The following DOCK11 variants were observed in gnomAD, a reference collection of about 807,000 sequenced individuals.
DOCK11 encodes dedicator of cytokinesis 11, also known as dedicator of cytokinesis protein 11.
Under a neutral mutation model 169.1 loss-of-function variants are expected in DOCK11, and 70 were observed. The observed-to-expected ratio is 0.41, with a 90% CI of 0.34 to 0.51. The LOEUF (loss-of-function observed/expected upper bound fraction) is 0.51, where lower values mean the gene tolerates loss of function less well. Ranked by LOEUF, DOCK11 falls within the 20% of genes least tolerant of loss-of-function variation. The pLI, the probability that DOCK11 is intolerant of heterozygous loss-of-function variation, is 0.10. For synonymous variants in DOCK11, 529 were observed against 541.3 expected (o/e 0.98, Z 0.32); for missense variants, 1,166 against 1,538.8 (o/e 0.76, Z 4.05).
intron 31 of DOCK11, among the ~76,000 whole-genome samples, chrX:118,619,644 A>G (rs2014919692): frequency 9.2e-6 from 1 of 109,167 alleles, no homozygotes; most frequent in African/African-American, 3.3e-5. Flanking sequence ...ATCTTTAAAT[A>G]TATATCATAT....
intron 5 of DOCK11, 29 bp downstream of exon 5, chrX:118,545,421 C>T (rs761146274): frequency 4.7e-6 from 5 of 1,074,018 alleles, no homozygotes; most frequent in East Asian, 3.1e-5. Flanking sequence ...GTTGGGGTAA[C>T]TGTGCTAGTT....
rs191322692 is a variant in DOCK11 at position 118,596,133 on chromosome X, T to C, written c.2264-1298T>C. ...TAAGAACAAGAAATAGATTTTCCTT[T>C]CATTTTCCTATTTTCTGGGCTGGAA... is the stretch of plus-strand genomic sequence containing the variant. On this transcript the variant is annotated intron_variant, in intron 20 of 52. Transcript: ENST00000276202. Among the ~76,000 whole-genome samples the C allele has an allele frequency of 5.5e-3, 615 of 112,623 alleles. 4 individuals carry two copies. Among genetic ancestry groups the C allele is most frequent in the African/African-American group, 0.019 (588 of 31,047 alleles).
At chrX:118,590,956 G>A (rs1466447881) in intron 19 of DOCK11, among the ~76,000 whole-genome samples, 1 of 112,046 alleles carries the variant, frequency 8.9e-6, no homozygotes, top group Non-Finnish European at 1.9e-5. Context: ...GTGCTTCCCA[G>A]CATGTCTCTT....
At chrX:118,496,119 G>T (rs1007918002) in intron 1 of DOCK11, 46 bp downstream of exon 1, 3 of 889,147 alleles carry the variant, frequency 3.4e-6, no homozygotes, top group Non-Finnish European at 4.2e-6. Flanking sequence ...CGCTCCAGGC[G>T]GGAGCGACGC....
In DOCK11 at chrX:118,618,731, A is replaced by C; in HGVS notation, c.3471+3A>C. The C allele has an allele frequency of 8.4e-7, 1 of 1,187,111 alleles. No individual in the cohort carries two copies. Among genetic ancestry groups the C allele is most frequent in the Non-Finnish European group, 1.1e-6 (1 of 878,817 alleles). ...TTGACACAAGATACCAGCACAAGGT[A>C]AGGATATCCATGCAGTCATCAGTAT... On this transcript the variant is annotated splice_donor_region_variant and intron_variant, in intron 31 of 52. Coordinates refer to ENST00000276202, the MANE Select transcript of DOCK11 (RefSeq NM_144658.4).
intron 1 of DOCK11, among the ~76,000 whole-genome samples, chrX:118,510,460 C>T (rs962687176): frequency 3.6e-5 from 4 of 112,232 alleles, no homozygotes; most frequent in Admixed American, 1.9e-4. Context: ...GTTCTTATAG[C>T]GGGCACTGCT....
chrX:118,507,781 C>G (rs1603019946), intron 1 of DOCK11, among the ~76,000 whole-genome samples: 1 of 111,945 alleles, frequency 8.9e-6, no homozygotes, highest in Middle Eastern at 4.7e-3. Context: ...AGTCATCACC[C>G]CTCTTCTGTA....
At chrX:118,583,401 A>C (rs1012015767) in intron 14 of DOCK11, among the ~76,000 whole-genome samples, 2 of 110,886 alleles carry the variant, frequency 1.8e-5, no homozygotes, top group Non-Finnish European at 3.8e-5. Flanking sequence ...CACATTCTGC[A>C]CATGTATTCC....
chrX:118,647,867 CAT>C (rs2015778216), intron 40 of DOCK11, among the ~76,000 whole-genome samples: 2 of 41,885 alleles, frequency 4.8e-5, no homozygotes, highest in South Asian at 1.7e-3. Flanking sequence ...TATTTAATAA[CAT>C]GTAATATATA....
intron 30 of DOCK11, 45 bp downstream of exon 30, chrX:118,615,756 G>A (rs1265160355): frequency 9.8e-7 from 1 of 1,019,173 alleles, no homozygotes; most frequent in Non-Finnish European, 1.4e-6. Flanking sequence ...TTTTTTCCAT[G>A]TTTTGCTAGC....
intron 42 of DOCK11, 88 bp downstream of exon 42, chrX:118,652,165 T>C (rs1213618392): frequency 2.4e-5 from 14 of 577,564 alleles, no homozygotes; most frequent in Non-Finnish European, 3.4e-5. Context: ...TTCACAACTT[T>C]TGTTAGTATA....
At chrX:118,498,295 C>A (rs1340472899) in intron 1 of DOCK11, among the ~76,000 whole-genome samples, 1 of 112,542 alleles carries the variant, frequency 8.9e-6, no homozygotes, top group Non-Finnish European at 1.9e-5. Context: ...CATTTGTTTT[C>A]ATTATTTACA....
At chrX:118,499,697 A>C (rs5909541) in intron 1 of DOCK11, among the ~76,000 whole-genome samples, 31,934 of 111,541 alleles carry the variant, frequency 0.29, 3,675 homozygotes, top group Middle Eastern at 0.44. Context: ...AATACGGAAT[A>C]AAAGCCAGTT....
intron 1 of DOCK11, among the ~76,000 whole-genome samples, chrX:118,534,260 G>A (rs2011676624): frequency 8.9e-6 from 1 of 112,223 alleles, no homozygotes; most frequent in East Asian, 2.8e-4. Context: ...GGGGTAGAAA[G>A]TTCATGAAAA....
chrX:118,652,846 T>G (rs1162191846), intron 42 of DOCK11, among the ~76,000 whole-genome samples: 3 of 112,470 alleles, frequency 2.7e-5, no homozygotes. Flanking sequence ...GACAACATTG[T>G]GTAAAATCTG....
chrX:118,559,062 C>T (rs1438823507), intron 6 of DOCK11, among the ~76,000 whole-genome samples: 1 of 111,826 alleles, frequency 8.9e-6, no homozygotes, highest in Non-Finnish European at 1.9e-5. Flanking sequence ...CATAAGCTAC[C>T]TACCCTAGTG....
Position 118,630,498 on chromosome X carries a change from A to T in DOCK11, c.3886+8A>T. On this transcript the variant is annotated splice_region_variant and intron_variant, in intron 35 of 52. Transcript: ENST00000276202. ...TAAAAATGATTTCAGAAGGTGAGTTACCATCATATTAAGCATGGACTGTAC... is the reference window on the plus strand; with the variant it reads ...TAAAAATGATTTCAGAAGGTGAGTTTCCATCATATTAAGCATGGACTGTAC... 5.4e-6 allele frequency: 6 copies of T among 1,114,344 alleles called. No homozygotes were observed. Among genetic ancestry groups the T allele is most frequent in the Non-Finnish European group, 7.4e-6 (6 of 808,108 alleles). 91.8% of individuals were successfully genotyped at this position (1,114,344 alleles called of 1,213,427 possible). A position where few individuals can be genotyped will look rare whatever the true frequency, so the allele number is the denominator to read the frequency against.
chrX:118,651,984 A>T lies in DOCK11; in HGVS notation c.4602A>T (p.Gln1534His). Residue 1534 changes from glutamine to histidine, a missense_variant, in exon 42 of 53, where the codon CAA becomes CAT. Gln to His is a conservative substitution (Grantham distance 24). Transcript: ENST00000276202. ...THLQIIIAVS[Q>H]LIADVALSGG... The stretch of plus-strand genomic sequence containing the variant: ...CACAGATAATAATTGCTGTAAGCCA[A>T]CTGATAGCTGATGTAGCACTAAGCG... 8.3e-7 allele frequency: 1 copy of T among 1,199,535 alleles called. No individual in the cohort carries two copies. The highest frequency in any genetic ancestry group is 1.1e-6 in the Non-Finnish European group (1 of 889,367).
intron 19 of DOCK11, among the ~76,000 whole-genome samples, chrX:118,591,571 T>C (rs1348797222): frequency 9.2e-6 from 1 of 108,465 alleles, no homozygotes; most frequent in Non-Finnish European, 1.9e-5. Context: ...CTTTTCTTTT[T>C]TTTTTTATAG....
Sources: allele counts gnomAD v4.1 joint callset (sites outside exome capture counted in the v4.1 genomes callset), GRCh38; gene constraint gnomAD v4.1.1; transcripts MANE v1.5; gene names NCBI Gene and HGNC (gene_info 2026-07-23, HGNC 2026-07-21).